The following HPSE2 variants were observed in gnomAD, a reference collection of about 807,000 sequenced individuals.
HPSE2 encodes inactive heparanase-2.
In HPSE2, 38 loss-of-function variants were observed where a neutral mutation model predicts 60.5. The ratio of observed to expected loss-of-function variants is 0.63; its 90% confidence interval spans 0.48 to 0.82. The LOEUF is 0.82. Ranked by LOEUF, HPSE2 falls within the 40% of genes least tolerant of loss-of-function variation. HPSE2 has a pLI of 0.00. For missense variants in HPSE2, 713 were observed against 740.4 expected (o/e 0.96, Z 0.43); for synonymous variants, 295 against 293.2 (o/e 1.01, Z -0.06).
intron 3 of HPSE2, among the ~76,000 whole-genome samples, chr10:99,021,532 G>T (rs764671984): frequency 6.6e-6 from 1 of 151,616 alleles, no homozygotes; most frequent in South Asian, 2.1e-4. Context: ...CTCGCTAAGG[G>T]TCCTACTCTA....
intron 4 of HPSE2, among the ~76,000 whole-genome samples, chr10:98,727,935 C>G (rs1169855229): frequency 6.6e-6 from 1 of 151,932 alleles, no homozygotes; most frequent in Non-Finnish European, 1.5e-5. Context: ...AACTGATAAC[C>G]AAGAATTCCA....
intron 9 of HPSE2, among the ~76,000 whole-genome samples, chr10:98,505,107 G>T (rs1026010702): frequency 6.6e-6 from 1 of 152,068 alleles, no homozygotes; most frequent in Non-Finnish European, 1.5e-5. Context: ...CCTACTGATG[G>T]ATATGTGTGT....
chr10:98,660,554 T>C lies in HPSE2; in HGVS notation c.1005-18614A>G, dbSNP rs537518714. Among the ~76,000 whole-genome samples the C allele has an allele frequency of 7.9e-5, 12 of 152,284 alleles. No homozygotes were observed. In the South Asian group the frequency reaches 2.5e-3, roughly 32 times the overall value. ...GGCATGCCATAGCCTCTCCTGGCCA[T>C]AGGAAAAATTTTGGCAAAGGGCTGG... On this transcript the variant is annotated intron_variant, in intron 6 of 11. Coordinates refer to ENST00000370552, the MANE Select transcript of HPSE2 (RefSeq NM_021828.5).
intron 3 of HPSE2, among the ~76,000 whole-genome samples, chr10:99,030,319 C>A (rs1018383746): frequency 6.6e-6 from 1 of 152,068 alleles, no homozygotes. Context: ...CAAATCCAAT[C>A]AAAAATGGGC....
chr10:98,760,171 A>AT (rs1949973845), intron 3 of HPSE2, among the ~76,000 whole-genome samples: 1 of 152,012 alleles, frequency 6.6e-6, no homozygotes, highest in African/African-American at 2.4e-5. Flanking sequence ...AATTCTAACA[A>AT]TTTTTTAGTG....
intron 3 of HPSE2, among the ~76,000 whole-genome samples, chr10:98,937,952 C>A (rs1447668458): frequency 7.0e-6 from 1 of 143,784 alleles, no homozygotes; most frequent in Non-Finnish European, 1.5e-5. Flanking sequence ...GTTCTGCAGA[C>A]ACCTCTGCTG....
chr10:98,765,798 A>C lies in HPSE2; in HGVS notation c.611-21742T>G, dbSNP rs372738575. Among the ~76,000 whole-genome samples, 75 of 152,022 alleles carry C rather than the reference A, an allele frequency of 4.9e-4. 1 individual carries two copies. The highest frequency in any genetic ancestry group is 1.8e-3 in the African/African-American group (74 of 41,440). ...GCAGAGGTTGCAATGAGCCAAGATC[A>C]CGCCACTGCACTCCAGCCTGGGTGA... is the stretch of plus-strand genomic sequence containing the variant. On this transcript the variant is annotated intron_variant, in intron 3 of 11. Coordinates refer to ENST00000370552, the MANE Select transcript of HPSE2 (RefSeq NM_021828.5).
At chr10:98,549,878 A>G (rs926458757) in intron 9 of HPSE2, among the ~76,000 whole-genome samples, 10 of 152,138 alleles carry the variant, frequency 6.6e-5, no homozygotes, top group African/African-American at 1.9e-4. Flanking sequence ...TCCTTTTACC[A>G]GATCTATTCC....
At chr10:98,679,079 T>C (rs1305008389) in intron 6 of HPSE2, among the ~76,000 whole-genome samples, 1 of 152,204 alleles carries the variant, frequency 6.6e-6, no homozygotes, top group Admixed American at 6.5e-5. Flanking sequence ...TTGAATTATA[T>C]ACCTGTGGTG....
intron 3 of HPSE2, among the ~76,000 whole-genome samples, chr10:98,821,729 T>C (rs1214024837): frequency 6.6e-6 from 1 of 152,212 alleles, no homozygotes; most frequent in Non-Finnish European, 1.5e-5. Flanking sequence ...AAATTAAAAA[T>C]GGAACTTTTG....
At chr10:98,989,401 A>C (rs1192379376) in intron 3 of HPSE2, among the ~76,000 whole-genome samples, 2 of 151,910 alleles carry the variant, frequency 1.3e-5, no homozygotes, top group Admixed American at 6.6e-5. Context: ...CAAGGACAAA[A>C]AACCAAACAC....
upstream of HPSE2, among the ~76,000 whole-genome samples, chr10:99,236,304 T>C (rs1849853276): frequency 6.6e-6 from 1 of 152,018 alleles, no homozygotes; most frequent in African/African-American, 2.4e-5. Flanking sequence ...GCAAAGGGTC[T>C]CGTTTTTACG....
At chr10:98,806,406 T>C (rs1461408740) in intron 3 of HPSE2, among the ~76,000 whole-genome samples, 1 of 152,156 alleles carries the variant, frequency 6.6e-6, no homozygotes, top group African/African-American at 2.4e-5. Flanking sequence ...AATATGTCAC[T>C]ATCAAAATAC....
chr10:98,891,479 C>G (rs1438351356), intron 3 of HPSE2, among the ~76,000 whole-genome samples: 2 of 152,018 alleles, frequency 1.3e-5, no homozygotes, highest in Non-Finnish European at 2.9e-5. Context: ...GACAGTATCT[C>G]TCTGTGTGAC....
At chr10:99,100,351 G>C (rs1271087841) in intron 3 of HPSE2, among the ~76,000 whole-genome samples, 1 of 152,156 alleles carries the variant, frequency 6.6e-6, no homozygotes, top group African/African-American at 2.4e-5. Flanking sequence ...AAATACATAA[G>C]CTTCAGTACC....
At chr10:99,034,637 G>A (rs10786498) in intron 3 of HPSE2, among the ~76,000 whole-genome samples, 94,884 of 151,924 alleles carry the variant, frequency 0.62, 30,999 homozygotes, top group East Asian at 0.77. Context: ...ATATATATAC[G>A]TTAGTAAACA....
At chr10:98,488,445 G>T (rs1376850404) in intron 10 of HPSE2, among the ~76,000 whole-genome samples, 1 of 152,036 alleles carries the variant, frequency 6.6e-6, no homozygotes, top group Non-Finnish European at 1.5e-5. Flanking sequence ...TGAGTTCATG[G>T]TACACTCAGA....
At chr10:99,160,277 G>C (rs1429866582) in intron 2 of HPSE2, among the ~76,000 whole-genome samples, 1 of 152,012 alleles carries the variant, frequency 6.6e-6, no homozygotes, top group African/African-American at 2.4e-5. Context: ...GATCTGAATA[G>C]ACATTTCACC....
chr10:99,239,865 C>A (rs1205654702), upstream of HPSE2, among the ~76,000 whole-genome samples: 1 of 152,088 alleles, frequency 6.6e-6, no homozygotes, highest in East Asian at 1.9e-4. Flanking sequence ...AAATAAAGAG[C>A]AGTTGTTTAA....
Sources: gnomAD v4.1 joint callset for allele counts (sites outside exome capture counted in the v4.1 genomes callset) on GRCh38, gnomAD v4.1.1 for gene constraint, MANE v1.5 for transcripts, NCBI Gene and HGNC (gene_info 2026-07-23, HGNC 2026-07-21) for gene names.